Variants in ARSG observed in about 807,000 individuals in gnomAD.
ARSG encodes arylsulfatase G.
In ARSG, 37 loss-of-function variants were observed where a neutral mutation model predicts 50.5. The observed-to-expected ratio is 0.73, with a 90% CI of 0.56 to 0.96. The LOEUF is 0.96. Among genes scored for constraint, ARSG ranks in the 50% least tolerant of loss-of-function variants. The pLI, the probability that ARSG is intolerant of heterozygous loss-of-function variation, is 0.00. For missense variants in ARSG, 629 were observed against 675.3 expected, an observed-to-expected ratio of 0.93 and a Z score of 0.76; for synonymous variants, 225 against 254.6, an observed-to-expected ratio of 0.88 and a Z score of 1.11.
upstream of ARSG, among the ~76,000 whole-genome samples, chr17:68,290,614 T>C (rs542560795): frequency 9.8e-5 from 15 of 152,336 alleles, no homozygotes; most frequent in African/African-American, 3.6e-4. Context: ...GAGCCCCACT[T>C]TCCCTCGCGC....
chr17:68,279,419 C>G (rs1339540522), intron 1 of ARSG, among the ~76,000 whole-genome samples: 1 of 152,042 alleles, frequency 6.6e-6, no homozygotes, highest in African/African-American at 2.4e-5. Flanking sequence ...CACTATAAAT[C>G]AAAATGAGGG....
At chr17:68,415,687 A>C (rs1031966782) in intron 11 of ARSG, among the ~76,000 whole-genome samples, 1 of 152,114 alleles carries the variant, frequency 6.6e-6, no homozygotes, top group East Asian at 1.9e-4. Flanking sequence ...ATTATTTTAT[A>C]AATTTGGGAG....
chr17:68,281,561 G>A (rs977894306), intron 1 of ARSG, among the ~76,000 whole-genome samples: 3 of 152,098 alleles, frequency 2.0e-5, no homozygotes, highest in Admixed American at 6.6e-5. Context: ...GTGACACAGC[G>A]AGACTCTGTC....
At chr17:68,332,394 A>G (rs1283969886) in intron 2 of ARSG, among the ~76,000 whole-genome samples, 1 of 152,154 alleles carries the variant, frequency 6.6e-6, no homozygotes, top group Non-Finnish European at 1.5e-5. Flanking sequence ...TTGTTTAAAC[A>G]ATTTGTGCAG....
At chr17:68,328,012 A>G (rs1555773068) in intron 2 of ARSG, among the ~76,000 whole-genome samples, 1 of 152,148 alleles carries the variant, frequency 6.6e-6, no homozygotes, top group Non-Finnish European at 1.5e-5. Context: ...CTGCTTGACC[A>G]GGAGGGGGTG....
chr17:68,337,613 T>C (rs1176029311), intron 2 of ARSG, among the ~76,000 whole-genome samples: 1 of 151,524 alleles, frequency 6.6e-6, no homozygotes, highest in Non-Finnish European at 1.5e-5. Context: ...TTCTATTTAT[T>C]TATTTATTTA....
At chr17:68,356,621 G>C (rs2079042949) in intron 5 of ARSG, 46 bp from the exon 6 acceptor site, 1 of 1,609,496 alleles carries the variant, frequency 6.2e-7, no homozygotes, top group Non-Finnish European at 8.5e-7. Context: ...TCTGCTCCGT[G>C]AGTACGTAGG....
At chr17:68,366,934 C>A (rs1348813500) in intron 6 of ARSG, among the ~76,000 whole-genome samples, 1 of 152,124 alleles carries the variant, frequency 6.6e-6, no homozygotes, top group Admixed American at 6.6e-5. Context: ...ACCATCCTAC[C>A]TTCTCTCTAT....
chr17:68,372,459 C>G (rs1182593183), intron 8 of ARSG, among the ~76,000 whole-genome samples: 2 of 152,140 alleles, frequency 1.3e-5, no homozygotes, highest in Non-Finnish European at 2.9e-5. Context: ...AGGAAACTTA[C>G]AATCATGGCA....
chr17:68,302,497 A>C (rs1160065285), intron 1 of ARSG, among the ~76,000 whole-genome samples: 1 of 152,310 alleles, frequency 6.6e-6, no homozygotes, highest in East Asian at 1.9e-4. Flanking sequence ...AGGAAGCCCA[A>C]GGACTTCAGC....
chr17:68,389,662 T>C (rs72841851), intron 9 of ARSG, among the ~76,000 whole-genome samples: 25,042 of 152,060 alleles, frequency 0.16, 4,051 homozygotes, highest in African/African-American at 0.4. Context: ...TCGGGAGAGA[T>C]GAACACAAAG....
chr17:68,380,548 T>A (rs767571646), intron 8 of ARSG, among the ~76,000 whole-genome samples: 47 of 152,212 alleles, frequency 3.1e-4, no homozygotes, highest in Admixed American at 1.1e-3. Flanking sequence ...GGATTACAGG[T>A]TTGAGCTACT....
chr17:68,368,268 C>T lies in ARSG; in HGVS notation c.705-280C>T, dbSNP rs563691399. On this transcript the variant is annotated intron_variant, in intron 6 of 11. Coordinates refer to ENST00000621439, the MANE Select transcript of ARSG (RefSeq NM_001267727.2). ...AGCTTCTGATTCTTCATCTGAAAAA[C>T]GGGGCTATGATGAGGACGAACCTAG... Among the ~76,000 whole-genome samples the T allele has an allele frequency of 9.5e-4, 145 of 152,258 alleles. 3 individuals are homozygous for T. Among genetic ancestry groups the T allele is most frequent in the Admixed American group, 6.9e-3 (106 of 15,294 alleles).
In ARSG at chr17:68,326,613, C is replaced by T. The variant is rs112195829; in HGVS notation, c.219-16991C>T. Among the ~76,000 whole-genome samples, 32 of 152,270 alleles carry T rather than the reference C, an allele frequency of 2.1e-4. No homozygotes were observed. In the South Asian group the frequency reaches 4.1e-3, roughly 20 times the overall value. The stretch of plus-strand genomic sequence containing the variant: ...CTGGGAGGCGGAGGTTGTGGTCAGC[C>T]GAGATCGTGCCATTGCACTCCAGCC... On this transcript the variant is annotated intron_variant, in intron 2 of 11. Transcript: ENST00000621439.
intron 5 of ARSG, among the ~76,000 whole-genome samples, chr17:68,352,103 GA>G (rs2078802028): frequency 7.7e-6 from 1 of 130,322 alleles, no homozygotes; most frequent in Non-Finnish European, 1.7e-5. Context: ...GAGAGAGAGA[GA>G]GAGAGAGAGA....
intron 2 of ARSG, among the ~76,000 whole-genome samples, chr17:68,315,546 A>G (rs57898522): frequency 0.16 from 24,564 of 151,664 alleles, 3,368 homozygotes; most frequent in African/African-American, 0.37. Context: ...AGGAGATTGG[A>G]ATCTCATCAT....
the ARSG span, among the ~76,000 whole-genome samples, chr17:68,433,771 T>TGTTTGTTTG: frequency 3.1e-3 from 67 of 21,380 alleles, no homozygotes; most frequent in African/African-American, 6.8e-3. Context: ...TTTTTTTTTT[T>TGTTTGTTTG]TTTTTTTTTT....
intron 9 of ARSG, among the ~76,000 whole-genome samples, chr17:68,394,796 G>A (rs919355099): frequency 6.6e-6 from 1 of 152,132 alleles, no homozygotes; most frequent in Admixed American, 6.5e-5. Context: ...GAAAACTGAG[G>A]CATTGAGAAG....
At chr17:68,417,733 A>ATTT (rs770292731) in intron 11 of ARSG, among the ~76,000 whole-genome samples, 8,603 of 60,676 alleles carry the variant, frequency 0.14, 2,625 homozygotes, top group Admixed American at 0.22. Context: ...GAGTTGCTGA[A>ATTT]TTTTTTTTTT....
Sources: gnomAD v4.1 joint callset for allele counts (sites outside exome capture counted in the v4.1 genomes callset) on GRCh38, gnomAD v4.1.1 for gene constraint, MANE v1.5 for transcripts, NCBI Gene and HGNC (gene_info 2026-07-23, HGNC 2026-07-21) for gene names.